The following MTA1 variants were observed in gnomAD, a reference collection of about 807,000 sequenced individuals.
MTA1 encodes metastasis-associated protein MTA1.
A neutral mutation model predicts 97.0 loss-of-function variants in MTA1; 15 were observed. The observed-to-expected ratio is 0.15, with a 90% CI of 0.10 to 0.24. The LOEUF is 0.24. MTA1 is among the 10% of genes least tolerant of loss of function. MTA1 has a pLI of 1.00. For synonymous variants in MTA1, 435 were observed against 417.5 expected, an observed-to-expected ratio of 1.04 and a Z score of -0.51; for missense variants, 709 against 1,015.1, an observed-to-expected ratio of 0.70 and a Z score of 4.10.
intron 7 of MTA1, among the ~76,000 whole-genome samples, chr14:105,457,491 G>A (rs1232007061): frequency 4.6e-5 from 7 of 152,216 alleles, no homozygotes; most frequent in Non-Finnish European, 7.3e-5. Flanking sequence ...AGGCTTAGCC[G>A]CAGCTGCCCC....
At position 105,422,829 on chromosome 14, in the gene MTA1, C is replaced by A. The variant is rs2081888412; in HGVS notation, c.28+2766C>A. Among the ~76,000 whole-genome samples, 1 of 152,166 alleles carries A rather than the reference C, an allele frequency of 6.6e-6. No homozygotes were observed. The highest frequency in any genetic ancestry group is 1.5e-5 in the Non-Finnish European group (1 of 68,034). Reference sequence around the variant, plus strand: ...GGAGGGAACAGGGCCTGTTTCTTCCCCATGGAGTGCCCTGGCCACGGACAG... The same window carrying A: ...GGAGGGAACAGGGCCTGTTTCTTCCACATGGAGTGCCCTGGCCACGGACAG... On this transcript the variant is annotated intron_variant, in intron 1 of 20. Transcript: ENST00000331320. This position sits in a 1 kb window ranked among gnomAD's most constrained non-coding sequence, Gnocchi z 4.3.
chr14:105,433,671 AAC>A lies in MTA1; in HGVS notation c.29-4997_29-4996del, dbSNP rs147539048. Among the ~76,000 whole-genome samples the A allele has an allele frequency of 1.5e-4, 23 of 152,290 alleles. No individual in the cohort carries two copies. In the East Asian group the frequency reaches 2.3e-3, roughly 15 times the overall value. On this transcript the variant is annotated intron_variant, in intron 1 of 20. Coordinates refer to ENST00000331320, the MANE Select transcript of MTA1 (RefSeq NM_004689.4). ...TGTGTGGAAAGACAGTTACAGAGGA[AAC>A]ACATGAACTCACTATAAGCCAGCAC...
Position 105,465,186 on chromosome 14 carries a change from G to T in MTA1, c.1624+3G>T. ...GGAAGCCGTGCTTCGGTATCTTGGT[G>T]AGCAGCCAGGCGTGCTGGGGGGCTC... On this transcript the variant is annotated splice_donor_region_variant and intron_variant, in intron 16 of 20. Transcript: ENST00000331320. 1.3e-6 allele frequency: 2 copies of T among 1,515,490 alleles called. No individual in the cohort carries two copies. The allele number at this position is 1,515,490 out of a possible 1,614,324, so 93.9% of individuals were successfully genotyped here. A position where few individuals can be genotyped will look rare whatever the true frequency, so the allele number is the denominator to read the frequency against.
chr14:105,428,079 T>C (rs1339823108), intron 1 of MTA1, among the ~76,000 whole-genome samples: 3 of 151,752 alleles, frequency 2.0e-5, no homozygotes, highest in African/African-American at 7.3e-5. Context: ...AACCCACTTA[T>C]GTGTAGGGGC....
At chr14:105,456,750 C>T (rs375958888) in intron 7 of MTA1, among the ~76,000 whole-genome samples, 17 of 152,222 alleles carry the variant, frequency 1.1e-4, no homozygotes, top group East Asian at 5.8e-4. Context: ...GCTTCTTGGC[C>T]GTCAGGGAGC....
chr14:105,449,021 G>A (rs2141568137), intron 3 of MTA1: 1 of 282,554 alleles, frequency 3.5e-6, no homozygotes, highest in South Asian at 8.9e-5. Flanking sequence ...CCATGCTGCT[G>A]GCCGGTGCCC....
At chr14:105,436,615 T>C (rs587717356) in intron 1 of MTA1, among the ~76,000 whole-genome samples, 2 of 152,256 alleles carry the variant, frequency 1.3e-5, no homozygotes, top group East Asian at 1.9e-4. Flanking sequence ...CTTCCGGTGC[T>C]GCAGACCCCG....
rs587678951 is a variant in MTA1, at chr14:105,441,726, G to A, written c.96+2987G>A. 3.9e-3 allele frequency among the ~76,000 whole-genome samples: 597 copies of A among 152,250 alleles called. 4 individuals are homozygous for A. Among genetic ancestry groups the A allele is most frequent in the African/African-American group, 0.013 (552 of 41,546 alleles). The stretch of plus-strand genomic sequence containing the variant: ...GGAGAATGGCGTGAACCCGGGAGGT[G>A]GAGCTTGCAGTGAGCCGAGATCCCG... On this transcript the variant is annotated intron_variant, in intron 2 of 20. Transcript: ENST00000331320.
chr14:105,463,946 T>C lies in MTA1; in HGVS notation c.1077-86T>C. The C allele has an allele frequency of 7.9e-7, 1 of 1,269,906 alleles. No homozygotes were observed. Among genetic ancestry groups the C allele is most frequent in the Non-Finnish European group, 1.1e-6 (1 of 872,316 alleles). The allele number at this position is 1,269,906 out of a possible 1,614,324, so 78.7% of individuals were successfully genotyped here. ...CGAGGACGTGGTTCTGGACAAGGGGTGGTCAGCCGCGGTGCCTGCTGGGCA... is the reference window on the plus strand; with the variant it reads ...CGAGGACGTGGTTCTGGACAAGGGGCGGTCAGCCGCGGTGCCTGCTGGGCA... On this transcript the variant is annotated intron_variant, in intron 12 of 20. Transcript: ENST00000331320. The surrounding 1 kb of genome is among the most constrained non-coding windows in gnomAD (Gnocchi z 5.9).
chr14:105,440,439 G>A (rs1405301945), intron 2 of MTA1, among the ~76,000 whole-genome samples: 1 of 152,244 alleles, frequency 6.6e-6, no homozygotes, highest in Admixed American at 6.5e-5. Context: ...GGAGGCTGCA[G>A]TGCCTCCGTG....
intron 2 of MTA1, among the ~76,000 whole-genome samples, chr14:105,440,385 G>A (rs919170857): frequency 1.3e-5 from 2 of 152,214 alleles, no homozygotes; most frequent in Non-Finnish European, 2.9e-5. Context: ...CCGGCAGATG[G>A]CACTGCTGGC....
At position 105,470,209 on chromosome 14, in the gene MTA1, G is replaced by A. The variant is rs782282992; in HGVS notation, c.2142G>A (p.Glu714=). 1.4e-5 allele frequency: 23 copies of A among 1,590,970 alleles called. No individual in the cohort carries two copies. Among genetic ancestry groups the A allele is most frequent in the African/African-American group, 1.1e-4 (8 of 74,554 alleles). The change falls in exon 21 of 21, where the codon GAG becomes GAA. Residue 714 remains glutamate (E), a synonymous_variant. Coordinates refer to ENST00000331320, the MANE Select transcript of MTA1 (RefSeq NM_004689.4). ...APVNDEPIVI[E]D is the part of the protein sequence containing the mutation. ...TCAACGACGAGCCCATCGTCATCGA[G>A]GACTAGGGGCCGCCCCCACCTGCGG...
chr14:105,466,999 G>C (rs587686842), intron 18 of MTA1: 1 of 564,202 alleles, frequency 1.8e-6, no homozygotes, highest in South Asian at 2.1e-5. Context: ...GTGTGGCCCT[G>C]GCGCCCCTGC....
chr14:105,469,833 C>T lies in MTA1; in HGVS notation c.1846-8C>T. Reference sequence around the variant, plus strand: ...GCTGGCTGCCCAGGAAGTGCACCCCCTCTGCAGGGACCAAGCCGGAACCTC... The same window carrying T: ...GCTGGCTGCCCAGGAAGTGCACCCCTTCTGCAGGGACCAAGCCGGAACCTC... On this transcript the variant is annotated splice_region_variant and splice_polypyrimidine_tract_variant and intron_variant, in intron 19 of 20. Transcript: ENST00000331320. 1.2e-6 allele frequency: 2 copies of T among 1,600,828 alleles called. No individual in the cohort carries two copies. Among genetic ancestry groups the T allele is most frequent in the Non-Finnish European group, 1.7e-6 (2 of 1,174,542 alleles).
At chr14:105,421,600 C>T (rs942035014) in intron 1 of MTA1, among the ~76,000 whole-genome samples, 1 of 152,226 alleles carries the variant, frequency 6.6e-6, no homozygotes, top group Non-Finnish European at 1.5e-5. Context: ...CATTGCTCGG[C>T]CTTCAGGCCT....
intron 16 of MTA1, chr14:105,465,465 C>T (rs2083535860): frequency 3.4e-6 from 1 of 295,494 alleles, no homozygotes; most frequent in Admixed American, 4.8e-5. Flanking sequence ...CACCCGGGGG[C>T]TTCCCTGCCA....
rs782262910 is a variant in MTA1, at chr14:105,463,600, AGG to A, written c.1076+51_1076+52del. 6.3e-7 allele frequency: 1 copy of A among 1,574,916 alleles called. No homozygotes were observed. Among genetic ancestry groups the A allele is most frequent in the South Asian group, 1.1e-5 (1 of 90,306 alleles). ...GTCCTCGTGGCCCCGGGGGCCAGGG[AGG>A]GTGGGCACAGGGTGCTGGGGCCAGG... On this transcript the variant is annotated intron_variant, in intron 12 of 20. Coordinates refer to ENST00000331320, the MANE Select transcript of MTA1 (RefSeq NM_004689.4). The surrounding 1 kb of genome is among the most constrained non-coding windows in gnomAD (Gnocchi z 5.9).
At chr14:105,440,702 A>G (rs1454623691) in intron 2 of MTA1, among the ~76,000 whole-genome samples, 2 of 152,234 alleles carry the variant, frequency 1.3e-5, no homozygotes, top group African/African-American at 4.8e-5. Context: ...TGGGCGGGAC[A>G]CCAGCCTGTG....
intron 13 of MTA1, 71 bp from the exon 14 acceptor site, chr14:105,464,345 G>GTGCC (rs2083480389): frequency 6.3e-7 from 1 of 1,582,632 alleles, no homozygotes; most frequent in African/African-American, 1.4e-5. Context: ...CGGCGTGGGG[G>GTGCC]TGGCGGGGAA....
Sources: allele counts gnomAD v4.1 joint callset (sites outside exome capture counted in the v4.1 genomes callset), GRCh38; gene constraint gnomAD v4.1.1; non-coding constraint Gnocchi (gnomAD v3.1); transcripts MANE v1.5; gene names NCBI Gene and HGNC (gene_info 2026-07-23, HGNC 2026-07-21).